The following SMARCA5 variants were observed in gnomAD, a reference collection of about 807,000 sequenced individuals.
SMARCA5 encodes the protein SNF2 related chromatin remodeling ATPase 5.
SMARCA5 carries 18 observed loss-of-function variants against 140.4 expected under a neutral mutation model. The observed-to-expected ratio is 0.13, with a 90% confidence interval of 0.09 to 0.19. The LOEUF (loss-of-function observed/expected upper bound fraction) is 0.19, where lower values mean the gene tolerates loss of function less well. Among genes scored for constraint, SMARCA5 ranks in the 10% least tolerant of loss-of-function variants. SMARCA5 has a pLI of 1.00. For synonymous variants in SMARCA5, 449 were observed against 419.6 expected (o/e 1.07, Z -0.86); for missense variants, 606 against 1,276.8 (o/e 0.47, Z 8.01).
intron 6 of SMARCA5, among the ~76,000 whole-genome samples, chr4:143,527,311 A>T (rs1215267980): frequency 6.6e-6 from 1 of 152,134 alleles, no homozygotes; most frequent in African/African-American, 2.4e-5. Context: ...TGTGAGTGAT[A>T]AGTCTATATT....
At position 143,526,261 on chromosome 4, in the gene SMARCA5, G is replaced by T. The variant is rs775152585; in HGVS notation, c.622-20G>T. 3 of 1,600,632 alleles carry T rather than the reference G, an allele frequency of 1.9e-6. No homozygotes were observed. The highest frequency in any genetic ancestry group is 1.7e-6 in the Non-Finnish European group (2 of 1,170,276). Reference sequence around the variant, plus strand: ...TATTTTCATTTTTCACTGCTTCATGGTTATTTTGAAATCTTTCAGGGCCTA... The same window carrying T: ...TATTTTCATTTTTCACTGCTTCATGTTTATTTTGAAATCTTTCAGGGCCTA... On this transcript the variant is annotated intron_variant, in intron 5 of 23. Transcript: ENST00000283131.
At chr4:143,548,822 G>C (rs1737580383) in intron 22 of SMARCA5, among the ~76,000 whole-genome samples, 1 of 151,936 alleles carries the variant, frequency 6.6e-6, no homozygotes, top group Admixed American at 6.6e-5. Context: ...AAACATCTTT[G>C]TGTTTGTTTA....
At chr4:143,521,318 G>C in intron 2 of SMARCA5, 111 bp from the exon 3 acceptor site, 2 of 697,510 alleles carry the variant, frequency 2.9e-6, no homozygotes, top group Non-Finnish European at 4.8e-6. Context: ...TTTATCTGTA[G>C]TTCTCTTTTT....
intron 6 of SMARCA5, 113 bp from the exon 7 acceptor site, chr4:143,527,750 GCTACT>G (rs1737104037): frequency 7.8e-6 from 6 of 769,760 alleles, no homozygotes; most frequent in Non-Finnish European, 1.0e-5. Context: ...AATATAGCTA[GCTACT>G]CTACTCCTTT....
intron 3 of SMARCA5, among the ~76,000 whole-genome samples, chr4:143,521,955 A>G (rs1423702526): frequency 6.6e-6 from 1 of 151,034 alleles, no homozygotes. Flanking sequence ...TTGTAGCATT[A>G]TATAGTTTAT....
At chr4:143,518,788 G>A (rs1472418228) in intron 2 of SMARCA5, among the ~76,000 whole-genome samples, 1 of 151,756 alleles carries the variant, frequency 6.6e-6, no homozygotes, top group Non-Finnish European at 1.5e-5. Context: ...TAGATTTGCC[G>A]CTCTGTTTTT....
At position 143,538,843 on chromosome 4, in the gene SMARCA5, A is replaced by G; in HGVS notation, c.1675A>G (p.Thr559Ala). The G allele has an allele frequency of 3.7e-6, 6 of 1,614,122 alleles. No individual in the cohort carries two copies. The highest frequency in any genetic ancestry group is 5.1e-6 in the Non-Finnish European group (6 of 1,179,982). ...CACAAAGTTTGTTTTCATGTTAAGC[A>G]CGCGTGCTGGTGGTCTTGGCATCAA... Reference protein sequence around the residue: ...NSTKFVFMLSTRAGGLGINLA... With the variant: ...NSTKFVFMLSARAGGLGINLA... The change falls in exon 13 of 24, where the codon ACG (threonine) becomes GCG (alanine). Residue 559 changes from threonine to alanine, a missense_variant. Thr to Ala is a moderately conservative substitution (Grantham distance 58). Coordinates refer to ENST00000283131, the MANE Select transcript of SMARCA5 (RefSeq NM_003601.4).
At position 143,553,110 on chromosome 4, in the gene SMARCA5, T is replaced by C; in HGVS notation, c.3094-9T>C. ...TCTTGTGAAAAGTAATCCTTCTGTC[T>C]GTTTGTAGACACAGAAACGTAAAAT... On this transcript the variant is annotated splice_polypyrimidine_tract_variant and intron_variant, in intron 23 of 23. Transcript: ENST00000283131. The C allele has an allele frequency of 1.2e-6, 2 of 1,607,832 alleles. No homozygotes were observed. The highest frequency in any genetic ancestry group is 1.7e-5 in the Admixed American group (1 of 59,920).
chr4:143,525,427 A>T, intron 4 of SMARCA5, 24 bp from the exon 5 acceptor site: 1 of 1,427,194 alleles, frequency 7.0e-7, no homozygotes, highest in Non-Finnish European at 9.9e-7. Flanking sequence ...TAAAATGCCT[A>T]TTGTGCTTTT....
chr4:143,547,972 T>C lies in SMARCA5; in HGVS notation c.2817T>C (p.Tyr939=). 1 of 1,610,752 alleles carries C rather than the reference T, an allele frequency of 6.2e-7. No individual in the cohort carries two copies. The highest frequency in any genetic ancestry group is 1.3e-5 in the African/African-American group (1 of 74,918). The part of the protein sequence containing the change: ...KAPFHQLRIS[Y]GTNKGKNYTE... ...CTTTTCATCAGCTGAGAATATCATATGGTACTAACAAAGGAAAAAACTATA... is the reference window on the plus strand; with the variant it reads ...CTTTTCATCAGCTGAGAATATCATACGGTACTAACAAAGGAAAAAACTATA... The change falls in exon 22 of 24, where the codon TAT becomes TAC. Residue 939 remains tyrosine, a synonymous_variant. Coordinates refer to ENST00000283131, the MANE Select transcript of SMARCA5 (RefSeq NM_003601.4).
Position 143,525,372 on chromosome 4 carries a change from A to G in SMARCA5, c.521-79A>G, listed in dbSNP as rs552439837. ...TTAGTAATGAAAATAAAGTCAGTAG[A>G]TATGTGTAGGCTTAGATGAAGAGAT... On this transcript the variant is annotated intron_variant, in intron 4 of 23. Transcript: ENST00000283131. 79 of 861,650 alleles carry G rather than the reference A, an allele frequency of 9.2e-5. 2 individuals are homozygous for G. The African/African-American group carries it at 9.8e-4, about 11-fold the overall frequency. 53.4% of individuals were successfully genotyped at this position (861,650 alleles called of 1,614,324 possible).
intron 7 of SMARCA5, 105 bp downstream of exon 7, chr4:143,528,128 G>A (rs540199837): frequency 1.1e-6 from 1 of 879,598 alleles, no homozygotes; most frequent in East Asian, 2.9e-5. Context: ...TGCAGAACGT[G>A]CAGGTTTGTT....
Position 143,545,954 on chromosome 4 carries a change from A to G in SMARCA5, c.2427A>G (p.Ala809=). The change falls in exon 19 of 24, where the codon GCA becomes GCG. Residue 809 remains alanine, a synonymous_variant. Coordinates refer to ENST00000283131, the MANE Select transcript of SMARCA5 (RefSeq NM_003601.4). ...KVPRNPELPN[A]AQAQKEEQLK... is the part of the protein sequence containing the mutation. ...CTCGAAATCCTGAGCTGCCTAATGC[A>G]GCACAGGCACAAAAAGAAGAACAGC... The G allele has an allele frequency of 6.2e-7, 1 of 1,608,648 alleles. No homozygotes were observed. Among genetic ancestry groups the G allele is most frequent in the Non-Finnish European group, 8.5e-7 (1 of 1,176,750 alleles).
intron 6 of SMARCA5, 122 bp downstream of exon 6, chr4:143,526,582 A>C: frequency 4.4e-6 from 3 of 677,002 alleles, no homozygotes; most frequent in Non-Finnish European, 7.5e-6. Context: ...AGTATTTACA[A>C]ATGTAGCATT....
chr4:143,514,360 C>G (rs759034105), intron 1 of SMARCA5: 4 of 459,868 alleles, frequency 8.7e-6, no homozygotes, highest in Admixed American at 4.1e-5. Context: ...TTTGAACGCT[C>G]TCAGTGAACA....
chr4:143,538,575 T>C lies in SMARCA5; in HGVS notation c.1496-15T>C. 6.2e-7 allele frequency: 1 copy of C among 1,610,058 alleles called. No homozygotes were observed. Among genetic ancestry groups the C allele is most frequent in the South Asian group, 1.1e-5 (1 of 90,708 alleles). On this transcript the variant is annotated splice_polypyrimidine_tract_variant and intron_variant, in intron 11 of 23. Transcript: ENST00000283131. ...TTTGAAGCCACTGATAATAGATTGT[T>C]ATATTCCCCAACAGGTTCACGAGTA...
At chr4:143,518,928 A>T (rs1360218078) in intron 2 of SMARCA5, among the ~76,000 whole-genome samples, 2 of 151,996 alleles carry the variant, frequency 1.3e-5, no homozygotes, top group African/African-American at 4.8e-5. Context: ...TAGTTTCTTG[A>T]TTTGTGCTTG....
chr4:143,550,863 T>A (rs1560823189), intron 23 of SMARCA5, among the ~76,000 whole-genome samples: 1 of 152,152 alleles, frequency 6.6e-6, no homozygotes, highest in Non-Finnish European at 1.5e-5. Context: ...AAATCATGGC[T>A]ACTGTGAATA....
rs1393930564 is a variant in SMARCA5, at chr4:143,538,779, T to C, written c.1618-7T>C. 1 of 1,613,636 alleles carries C rather than the reference T, an allele frequency of 6.2e-7. No homozygotes were observed. The highest frequency in any genetic ancestry group is 8.5e-7 in the Non-Finnish European group (1 of 1,179,816). ...ATTTTTTGACAACCATTTTGTTTTA[T>C]CCATAGGACTCCATCAATGCATACA... On this transcript the variant is annotated splice_polypyrimidine_tract_variant and splice_region_variant and intron_variant, in intron 12 of 23. Coordinates refer to ENST00000283131, the MANE Select transcript of SMARCA5 (RefSeq NM_003601.4).
Sources: gnomAD v4.1 joint callset for allele counts (sites outside exome capture counted in the v4.1 genomes callset) on GRCh38, gnomAD v4.1.1 for gene constraint, MANE v1.5 for transcripts, NCBI Gene and HGNC (gene_info 2026-07-23, HGNC 2026-07-21) for gene names.